Variants in VPS13C observed in about 807,000 individuals in gnomAD.
The protein encoded by VPS13C is vacuolar protein sorting 13 homolog C, also known as intermembrane lipid transfer protein VPS13C.
In VPS13C, 358 loss-of-function variants were observed where a neutral mutation model predicts 456.8. That is an observed-to-expected ratio of 0.78 (90% CI 0.72 to 0.86). The LOEUF is 0.86. VPS13C is among the 40% of genes least tolerant of loss of function. The pLI is 0.00. For missense variants in VPS13C, 4,818 were observed against 4,385.4 expected, an observed-to-expected ratio of 1.10 and a Z score of -2.79; for synonymous variants, 1,578 against 1,486.7, an observed-to-expected ratio of 1.06 and a Z score of -1.41.
intron 15 of VPS13C, among the ~76,000 whole-genome samples, chr15:62,005,054 G>A (rs1163448575): frequency 6.6e-6 from 1 of 151,884 alleles, no homozygotes; most frequent in Non-Finnish European, 1.5e-5. Context: ...GTGCAGAGCT[G>A]AGTTCAATTC....
chr15:61,959,661 A>G (rs1265798085), intron 35 of VPS13C, 66 bp from the exon 36 acceptor site: 3 of 1,505,738 alleles, frequency 2.0e-6, no homozygotes, highest in East Asian at 4.6e-5. Context: ...ATTAAAAAAA[A>G]GCAAAGTCAA....
At position 61,945,807 on chromosome 15, in the gene VPS13C, A is replaced by C; in HGVS notation, c.5056T>G (p.Tyr1686Asp). The change falls in exon 45 of 85, where the codon TAT (tyrosine) becomes GAT (aspartate). Residue 1686 changes from tyrosine to aspartate, a missense_variant. Coordinates refer to ENST00000644861, the MANE Select transcript of VPS13C (RefSeq NM_020821.3). ...LYPDATEGEA[Y>D]ADMSKVDGKL... Reference sequence around the variant, plus strand: ...CCGTCTACTTTGGACATATCAGCATAGGCCTCTCCTTCTGTGGCATCTGGA... The same window carrying C: ...CCGTCTACTTTGGACATATCAGCATCGGCCTCTCCTTCTGTGGCATCTGGA... The C allele has an allele frequency of 6.2e-7, 1 of 1,613,594 alleles. No individual in the cohort carries two copies.
intron 66 of VPS13C, 114 bp from the exon 67 acceptor site, chr15:61,890,514 A>C: frequency 1.2e-6 from 1 of 849,898 alleles, no homozygotes; most frequent in Non-Finnish European, 1.8e-6. Flanking sequence ...TATAAATTGA[A>C]AAATTCTAAC....
intron 81 of VPS13C, chr15:61,865,573 T>C (rs1168268786): frequency 1.4e-6 from 1 of 691,950 alleles, no homozygotes; most frequent in African/African-American, 2.0e-5. Context: ...TGTTTGCGTA[T>C]ATATGTGTGT....
chr15:61,873,687 A>G (rs1435356086), intron 77 of VPS13C, among the ~76,000 whole-genome samples: 3 of 152,038 alleles, frequency 2.0e-5, no homozygotes, highest in Non-Finnish European at 4.4e-5. Flanking sequence ...CTGTCAAAGA[A>G]GTGGAGAAAA....
chr15:61,940,908 C>CAGA (rs1335810697), intron 46 of VPS13C, 114 bp from the exon 47 acceptor site: 2 of 1,084,454 alleles, frequency 1.8e-6, no homozygotes, highest in Non-Finnish European at 2.5e-6. Flanking sequence ...AAGCTGCTAA[C>CAGA]AGAAGTCTTT....
At chr15:61,902,811 A>G (rs1173576477) in intron 66 of VPS13C, among the ~76,000 whole-genome samples, 1 of 151,822 alleles carries the variant, frequency 6.6e-6, no homozygotes, top group Non-Finnish European at 1.5e-5. Flanking sequence ...CACTTTCACC[A>G]TTTTTATTTC....
At chr15:62,029,917 A>T (rs1472159186) in intron 5 of VPS13C, among the ~76,000 whole-genome samples, 1 of 152,108 alleles carries the variant, frequency 6.6e-6, no homozygotes, top group Non-Finnish European at 1.5e-5. Context: ...AAGCTTCTAG[A>T]TGTGTTCTAG....
intron 81 of VPS13C, chr15:61,866,647 CAAGA>C: frequency 1.0e-6 from 1 of 985,064 alleles, no homozygotes; most frequent in Non-Finnish European, 1.2e-6. Flanking sequence ...TATCTAGGCA[CAAGA>C]AAGGTTTGTC....
rs368211669 is a variant in VPS13C at position 61,871,974 on chromosome 15, A to G, written c.10624+15T>C. The G allele has an allele frequency of 4.5e-5, 73 of 1,609,402 alleles. No individual in the cohort carries two copies. In the African/African-American group the frequency reaches 7.6e-4, roughly 17 times the overall value. ...TCTTCAGACTTTGTAAAGGAAGGAAATATTTTCAACATACCTTCCACAGGT... is the reference window on the plus strand; with the variant it reads ...TCTTCAGACTTTGTAAAGGAAGGAAGTATTTTCAACATACCTTCCACAGGT... On this transcript the variant is annotated intron_variant, in intron 79 of 84. Coordinates refer to ENST00000644861, the MANE Select transcript of VPS13C (RefSeq NM_020821.3).
intron 50 of VPS13C, among the ~76,000 whole-genome samples, 189 bp from the exon 51 acceptor site, chr15:61,929,937 A>G (rs965833478): frequency 6.6e-6 from 1 of 152,222 alleles, no homozygotes; most frequent in Non-Finnish European, 1.5e-5. Flanking sequence ...AAAGCAAGAT[A>G]TACGTTATTA....
In VPS13C at chr15:61,986,112, C is replaced by G. The variant is rs182997061; in HGVS notation, c.1579-1113G>C. On this transcript the variant is annotated intron_variant, in intron 18 of 84. Coordinates refer to ENST00000644861, the MANE Select transcript of VPS13C (RefSeq NM_020821.3). ...ACACACACTCTCACACATACACATA[C>G]ACACACACACACCGGTACACACACA... is the stretch of plus-strand genomic sequence containing the variant. Among the ~76,000 whole-genome samples, 868 of 150,560 alleles carry G rather than the reference C, an allele frequency of 5.8e-3. 7 individuals are homozygous for G. The highest frequency in any genetic ancestry group is 0.02 in the African/African-American group (824 of 40,998).
intron 37 of VPS13C, 29 bp downstream of exon 37, chr15:61,958,573 CATATGT>C (rs999638320): frequency 1.8e-6 from 2 of 1,118,630 alleles, no homozygotes; most frequent in African/African-American, 3.2e-5. Flanking sequence ...TAAATAGACA[CATATGT>C]ATATTGCCAC....
At chr15:62,045,134 G>C (rs1240507246) in intron 1 of VPS13C, among the ~76,000 whole-genome samples, 1 of 151,924 alleles carries the variant, frequency 6.6e-6, no homozygotes, top group Non-Finnish European at 1.5e-5. Context: ...GCTTTTCCCA[G>C]ATCTCAAAAT....
At position 61,910,101 on chromosome 15, in the gene VPS13C, A is replaced by C. The variant is rs1434227522; in HGVS notation, c.8844+76T>G. The stretch of plus-strand genomic sequence containing the variant: ...TGTAACAAACCTGCACGTTCTGCAC[A>C]TGTACCCTAGAACTTAAAGTATAAT... On this transcript the variant is annotated intron_variant, in intron 64 of 84. Transcript: ENST00000644861. 6 of 896,434 alleles carry C rather than the reference A, an allele frequency of 6.7e-6. No individual in the cohort carries two copies. In the African/African-American group the frequency reaches 1.1e-4, roughly 16 times the overall value. The allele number at this position is 896,434 out of a possible 1,614,324, so 55.5% of individuals were successfully genotyped here. A position where few individuals can be genotyped will look rare whatever the true frequency, so the allele number is the denominator to read the frequency against.
chr15:61,942,012 T>C lies in VPS13C; in HGVS notation c.5204A>G (p.Gln1735Arg). 6.2e-7 allele frequency: 1 copy of C among 1,613,784 alleles called. No homozygotes were observed. The highest frequency in any genetic ancestry group is 8.5e-7 in the Non-Finnish European group (1 of 1,179,728). The change falls in exon 46 of 85, where the codon CAG (glutamine) becomes CGG (arginine). Residue 1735 changes from glutamine (Q) to arginine (R), a missense_variant. Physicochemically the swap from Gln to Arg is conservative, Grantham distance 43 (BLOSUM62 1). This residue lies in a region of VPS13C where 4,552 missense variants were observed against 4,130.6 expected (regional missense o/e 1.10). Coordinates refer to ENST00000644861, the MANE Select transcript of VPS13C (RefSeq NM_020821.3). ...AKEALSTATV[Q>R]AAERAASSMK... ...GCTGGAAGCAGCTCTTTCTGCAGCC[T>C]GGACTGTGGCTGTACTCAAAGCTTC...
intron 9 of VPS13C, among the ~76,000 whole-genome samples, chr15:62,015,721 A>G (rs2047214098): frequency 5.4e-5 from 7 of 129,600 alleles, no homozygotes; most frequent in African/African-American, 2.1e-4. Context: ...GTGGGAATTG[A>G]ACAATGAGAT....
At chr15:62,053,857 G>C (rs12442675) in intron 1 of VPS13C, among the ~76,000 whole-genome samples, 2 of 152,102 alleles carry the variant, frequency 1.3e-5, no homozygotes, top group South Asian at 4.2e-4. Flanking sequence ...TAAACAGCAC[G>C]GGTTCAGTCT....
At chr15:62,043,925 T>G (rs1320411519) in intron 2 of VPS13C, among the ~76,000 whole-genome samples, 1 of 152,160 alleles carries the variant, frequency 6.6e-6, no homozygotes, top group Non-Finnish European at 1.5e-5. Context: ...GTAAAGACAC[T>G]AGTGAAGGAA....
Sources: gnomAD v4.1 joint callset for allele counts (sites outside exome capture counted in the v4.1 genomes callset) on GRCh38, gnomAD v4.1.1 for gene constraint, gnomAD v4.1.1 regional missense constraint, MANE v1.5 for transcripts, NCBI Gene and HGNC (gene_info 2026-07-23, HGNC 2026-07-21) for gene names.